Variants in CMSS1 observed in about 807,000 individuals in gnomAD.
The protein encoded by CMSS1 is protein CMSS1.
A neutral mutation model predicts 43.5 loss-of-function variants in CMSS1; 33 were observed. The observed-to-expected ratio is 0.76, with a 90% CI of 0.57 to 1.01. The LOEUF (loss-of-function observed/expected upper bound fraction) is 1.01. CMSS1 is among the 50% of genes least tolerant of loss of function. The pLI, the probability that CMSS1 is intolerant of heterozygous loss-of-function variation, is 0.00. For missense variants in CMSS1, 313 were observed against 326.4 expected (o/e 0.96, Z 0.32); for synonymous variants, 115 against 117.2 (o/e 0.98, Z 0.12).
intron 1 of CMSS1, among the ~76,000 whole-genome samples, chr3:99,920,983 A>G (rs1241736660): frequency 1.3e-5 from 2 of 152,102 alleles, no homozygotes; most frequent in Non-Finnish European, 1.5e-5. Context: ...ACCCCTTTGT[A>G]TCTATTTTCA....
chr3:99,975,541 G>A (rs1199902761), intron 1 of CMSS1, among the ~76,000 whole-genome samples: 3 of 151,372 alleles, frequency 2.0e-5, no homozygotes, highest in Admixed American at 6.6e-5. Flanking sequence ...GCAGTGAGCC[G>A]AGGTCACACC....
intron 1 of CMSS1, among the ~76,000 whole-genome samples, chr3:99,974,964 A>C (rs1245210779): frequency 5.9e-5 from 9 of 152,220 alleles, no homozygotes; most frequent in Non-Finnish European, 1.3e-4. Context: ...GCAAAGCTAG[A>C]AAATAATACC....
chr3:100,032,858 C>T (rs1013425441), intron 1 of CMSS1, among the ~76,000 whole-genome samples: 2 of 152,116 alleles, frequency 1.3e-5, no homozygotes, highest in Non-Finnish European at 2.9e-5. Flanking sequence ...TGAGCTGCTA[C>T]TATTTGCTGC....
chr3:99,936,732 A>G (rs1707688404), intron 1 of CMSS1, among the ~76,000 whole-genome samples: 1 of 151,220 alleles, frequency 6.6e-6, no homozygotes, highest in Non-Finnish European at 1.5e-5. Flanking sequence ...TGGCAGAGTC[A>G]GAGTCAGGCC....
chr3:99,893,059 G>C (rs1706136367), intron 1 of CMSS1, among the ~76,000 whole-genome samples: 1 of 151,574 alleles, frequency 6.6e-6, no homozygotes, highest in Non-Finnish European at 1.5e-5. Context: ...TGCTCTGTGT[G>C]TCTGTTCTCT....
At chr3:99,892,569 C>T (rs1017523536) in intron 1 of CMSS1, among the ~76,000 whole-genome samples, 40 of 152,170 alleles carry the variant, frequency 2.6e-4, no homozygotes, top group African/African-American at 9.7e-4. Context: ...CCTTTGATGG[C>T]TTCATTGTCA....
intron 1 of CMSS1, among the ~76,000 whole-genome samples, chr3:100,060,791 C>T (rs557010332): frequency 3.1e-4 from 47 of 152,128 alleles, no homozygotes; most frequent in African/African-American, 8.9e-4. Flanking sequence ...GCGTGGGAGG[C>T]GGAGGTTGCA....
intron 1 of CMSS1, among the ~76,000 whole-genome samples, chr3:99,934,503 A>G (rs576798488): frequency 2.0e-5 from 3 of 152,304 alleles, no homozygotes; most frequent in African/African-American, 4.8e-5. Flanking sequence ...ACAATAGTCT[A>G]CTGATAAGAA....
chr3:99,943,703 C>CAA (rs1014184491), intron 1 of CMSS1, among the ~76,000 whole-genome samples: 18 of 139,906 alleles, frequency 1.3e-4, no homozygotes, highest in African/African-American at 4.2e-4. Context: ...GACTCCGTCT[C>CAA]AAAAAAAAAA....
chr3:99,851,099 G>C, intron 1 of CMSS1: 1 of 1,523,742 alleles, frequency 6.6e-7, no homozygotes, highest in Non-Finnish European at 8.8e-7. Flanking sequence ...ATTTTATTTT[G>C]TGATTGATGC....
intron 1 of CMSS1, among the ~76,000 whole-genome samples, chr3:100,145,001 AC>A (rs1272275215): frequency 6.6e-6 from 1 of 152,172 alleles, no homozygotes; most frequent in Non-Finnish European, 1.5e-5. Flanking sequence ...CAGTGTAACT[AC>A]TACAGCTATC....
intron 1 of CMSS1, among the ~76,000 whole-genome samples, chr3:99,881,890 G>C (rs565969282): frequency 4.3e-4 from 66 of 152,180 alleles, no homozygotes; most frequent in African/African-American, 1.5e-3. Flanking sequence ...TTCCCATGTA[G>C]ATGTGGAGCT....
intron 4 of CMSS1, among the ~76,000 whole-genome samples, chr3:100,163,222 A>G (rs1388668903): frequency 6.6e-6 from 1 of 152,238 alleles, no homozygotes; most frequent in Non-Finnish European, 1.5e-5. Context: ...TACACATTTA[A>G]AAGTATGGAT....
rs1200758144 is a variant in CMSS1, at chr3:100,018,125, G to A, written c.65-128848G>A. Among the ~76,000 whole-genome samples, 5 of 152,080 alleles carry A rather than the reference G, an allele frequency of 3.3e-5. No homozygotes were observed. The South Asian group carries it at 8.3e-4, about 25-fold the overall frequency. ...GGGCAGATCACCAGGTCAAGAGATCGAGACCATCTGGCCAACATGGTGAAA... is the reference window on the plus strand; with the variant it reads ...GGGCAGATCACCAGGTCAAGAGATCAAGACCATCTGGCCAACATGGTGAAA... On this transcript the variant is annotated intron_variant, in intron 1 of 9. Coordinates refer to ENST00000421999, the MANE Select transcript of CMSS1 (RefSeq NM_032359.4).
chr3:99,957,564 C>A (rs1708357461), intron 1 of CMSS1, among the ~76,000 whole-genome samples: 1 of 152,022 alleles, frequency 6.6e-6, no homozygotes, highest in Non-Finnish European at 1.5e-5. Context: ...TTCTTTAATA[C>A]CGTAAACAGT....
chr3:100,153,877 GTCT>G (rs1479032475), intron 2 of CMSS1, among the ~76,000 whole-genome samples: 2 of 148,924 alleles, frequency 1.3e-5, no homozygotes, highest in Non-Finnish European at 3.0e-5. Flanking sequence ...TTAAGATGGA[GTCT>G]TGCTCTGTCG....
intron 2 of CMSS1, among the ~76,000 whole-genome samples, chr3:100,147,265 C>CTTT (rs71132514): frequency 6.3e-4 from 55 of 86,850 alleles, no homozygotes; most frequent in African/African-American, 9.9e-4. Flanking sequence ...AATTCTTTTT[C>CTTT]TTTTTTTTTT....
intron 1 of CMSS1, among the ~76,000 whole-genome samples, chr3:99,897,617 G>A (rs793462): frequency 0.27 from 40,351 of 152,064 alleles, 6,065 homozygotes; most frequent in Admixed American, 0.34. Flanking sequence ...CTGGGGTATC[G>A]TGTATTTGAG....
chr3:99,821,188 A>G (rs957436423), intron 1 of CMSS1, among the ~76,000 whole-genome samples: 7 of 152,348 alleles, frequency 4.6e-5, no homozygotes, highest in Admixed American at 4.6e-4. Flanking sequence ...CTAGAGTTCT[A>G]CATTGCACTG....
Sources: gnomAD v4.1 joint callset for allele counts (sites outside exome capture counted in the v4.1 genomes callset) on GRCh38, gnomAD v4.1.1 for gene constraint, MANE v1.5 for transcripts, NCBI Gene and HGNC (gene_info 2026-07-23, HGNC 2026-07-21) for gene names.